The following ACAT1 variants were observed in gnomAD, a reference collection of about 807,000 sequenced individuals.
ACAT1 encodes the protein acetyl-CoA acetyltransferase, mitochondrial.
A neutral mutation model predicts 47.3 loss-of-function variants in ACAT1; 28 were observed. The ratio of observed to expected loss-of-function variants is 0.59; its 90% CI spans 0.44 to 0.81. ACAT1 has a LOEUF of 0.81. Among genes scored for constraint, ACAT1 ranks in the 30% least tolerant of loss-of-function variants. The pLI, the probability that ACAT1 is intolerant of heterozygous loss-of-function variation, is 0.00. For synonymous variants in ACAT1, 181 were observed against 173.6 expected (o/e 1.04, Z -0.34); for missense variants, 469 against 524.3 (o/e 0.89, Z 1.03).
intron 2 of ACAT1, 38 bp from the exon 3 acceptor site, chr11:108,133,781 TA>T: frequency 6.6e-7 from 1 of 1,512,102 alleles, no homozygotes; most frequent in Non-Finnish European, 9.2e-7. Context: ...ACGATTTGGG[TA>T]AAATACCTAT....
At chr11:108,142,401 G>T in intron 8 of ACAT1, 36 bp from the exon 9 acceptor site, 1 of 1,473,308 alleles carries the variant, frequency 6.8e-7, no homozygotes, top group Non-Finnish European at 9.5e-7. Flanking sequence ...TTATTGTGAA[G>T]GAATGTTTTG....
intron 11 of ACAT1, 31 bp downstream of exon 11, chr11:108,146,390 A>ATT (rs771759198): frequency 4.3e-6 from 7 of 1,609,922 alleles, no homozygotes; most frequent in Non-Finnish European, 5.1e-6. Flanking sequence ...TATCTAGGTT[A>ATT]AGAGCTGCCT....
chr11:108,131,354 A>ATTTTTTTTTTTTTTTTTTTTTT (rs397951009), intron 1 of ACAT1, among the ~76,000 whole-genome samples: 1,121 of 62,574 alleles, frequency 0.018, 304 homozygotes, highest in East Asian at 0.057. Flanking sequence ...AAGACTTGGA[A>ATTTTTTTTTTTTTTTTTTTTTT]TTTTTTTTTT....
rs371120604 is a variant in ACAT1 at position 108,130,656 on chromosome 11, G to A, written c.73-1251G>A. The stretch of plus-strand genomic sequence containing the variant: ...ATCCACCCGCCTCGGCCTCCAAAGT[G>A]CTGGGATTACAGGCATGAGCCACTG... On this transcript the variant is annotated intron_variant, in intron 1 of 11. Transcript: ENST00000265838. Among the ~76,000 whole-genome samples, 21 of 152,276 alleles carry A rather than the reference G, an allele frequency of 1.4e-4. No individual in the cohort carries two copies. In the East Asian group the frequency reaches 3.3e-3, roughly 24 times the overall value.
chr11:108,125,519 T>TA (rs1024026909), intron 1 of ACAT1, among the ~76,000 whole-genome samples: 4 of 152,156 alleles, frequency 2.6e-5, no homozygotes, highest in African/African-American at 7.2e-5. Flanking sequence ...ACTTACAGTG[T>TA]AAGAGGTGCT....
intron 10 of ACAT1, 133 bp from the exon 11 acceptor site, chr11:108,146,069 G>T (rs1021596564): frequency 2.4e-6 from 2 of 840,548 alleles, no homozygotes; most frequent in African/African-American, 1.7e-5. Context: ...TGAAAATAGA[G>T]ATCCTTCCAT....
rs754792574 is a variant in ACAT1, at chr11:108,134,351, A to G, written c.334+35A>G. On this transcript the variant is annotated intron_variant, in intron 4 of 11. Coordinates refer to ENST00000265838, the MANE Select transcript of ACAT1 (RefSeq NM_000019.4). ...AGACTTTTTTGCTTTTATACTTAAA[A>G]TGTGTAAAAGGGGCCGGGTGCGGTG... is the stretch of plus-strand genomic sequence containing the variant. 7.7e-6 allele frequency: 12 copies of G among 1,567,472 alleles called. 1 individual carries two copies. The South Asian group carries it at 1.3e-4, about 17-fold the overall frequency.
intron 5 of ACAT1, chr11:108,136,747 C>T (rs1003386864): frequency 2.0e-5 from 3 of 152,060 alleles, no homozygotes; most frequent in Admixed American, 1.3e-4. Flanking sequence ...TGCCATCACC[C>T]CCAGTAAAAA....
At chr11:108,130,072 C>A (rs987359303) in intron 1 of ACAT1, among the ~76,000 whole-genome samples, 1 of 152,124 alleles carries the variant, frequency 6.6e-6, no homozygotes, top group Non-Finnish European at 1.5e-5. Context: ...ATATATGTTG[C>A]ATTCTTTTGC....
At chr11:108,126,475 A>T (rs934354066) in intron 1 of ACAT1, among the ~76,000 whole-genome samples, 6 of 152,258 alleles carry the variant, frequency 3.9e-5, no homozygotes, top group Non-Finnish European at 8.8e-5. Flanking sequence ...GAATTTGTAT[A>T]TAATTCCAAG....
At position 108,131,354 on chromosome 11, in the gene ACAT1, A is replaced by AT. The variant is rs397951009; in HGVS notation, c.73-535dup. On this transcript the variant is annotated intron_variant, in intron 1 of 11. Transcript: ENST00000265838. ...AAGCTATATTTAAGAAAGACTTGGA[A>AT]TTTTTTTTTTTTTTTTTTAGACAGT... Among the ~76,000 whole-genome samples the AT allele has an allele frequency of 1.2e-3, 75 of 62,658 alleles. 10 individuals carry two copies. The South Asian group carries it at 0.012, about 10-fold the overall frequency. 41.1% of individuals were successfully genotyped at this position (62,658 alleles called of 152,430 possible).
upstream of ACAT1, among the ~76,000 whole-genome samples, chr11:108,121,124 C>A (rs140088161): frequency 2.0e-5 from 3 of 151,686 alleles, no homozygotes; most frequent in African/African-American, 7.3e-5. Context: ...TCGCTTGAGC[C>A]CTGATGGTCG....
Position 108,147,490 on chromosome 11 carries a change from C to A in ACAT1, c.*100C>A, listed in dbSNP as rs1204874671. The A allele has an allele frequency of 7.0e-7, 1 of 1,420,056 alleles. No individual in the cohort carries two copies. The highest frequency in any genetic ancestry group is 9.7e-7 in the Non-Finnish European group (1 of 1,029,316). The allele number at this position is 1,420,056 out of a possible 1,614,324, so 88.0% of individuals were successfully genotyped here. ...CAGCTTATATTCAGATAAGCTGTTTCATTTTTTATTATTTTCTATGTTAAC... is the reference window on the plus strand; with the variant it reads ...CAGCTTATATTCAGATAAGCTGTTTAATTTTTTATTATTTTCTATGTTAAC... On this transcript the variant is annotated 3_prime_UTR_variant, in exon 12 of 12. Transcript: ENST00000265838.
upstream of ACAT1, among the ~76,000 whole-genome samples, chr11:108,118,791 C>T (rs994688650): frequency 6.6e-6 from 1 of 152,192 alleles, no homozygotes; most frequent in African/African-American, 2.4e-5. Flanking sequence ...GCTGTAGCTC[C>T]AGAAATAAAT....
intron 1 of ACAT1, among the ~76,000 whole-genome samples, chr11:108,127,641 G>A (rs1398766304): frequency 6.6e-6 from 1 of 152,182 alleles, no homozygotes; most frequent in East Asian, 1.9e-4. Context: ...AAGAGGCCTG[G>A]AACAAAGCCC....
chr11:108,143,634 C>T (rs1264135576), intron 9 of ACAT1: 2 of 163,380 alleles, frequency 1.2e-5, no homozygotes, highest in African/African-American at 4.8e-5. Context: ...GACTTTTGCA[C>T]TAAGTAATTC....
chr11:108,140,463 A>G (rs755166861), intron 7 of ACAT1, among the ~76,000 whole-genome samples: 109 of 152,334 alleles, frequency 7.2e-4, no homozygotes, highest in Non-Finnish European at 1.4e-3. Context: ...TGTGACAGTC[A>G]ATACGGTATT....
At chr11:108,133,219 C>T (rs78431473) in intron 2 of ACAT1, among the ~76,000 whole-genome samples, 2 of 152,134 alleles carry the variant, frequency 1.3e-5, no homozygotes, top group East Asian at 3.9e-4. Flanking sequence ...CTGGCCCTGG[C>T]TCTGTCCTAG....
At chr11:108,145,718 C>A in intron 10 of ACAT1, among the ~76,000 whole-genome samples, 1 of 151,378 alleles carries the variant, frequency 6.6e-6, no homozygotes, top group East Asian at 2.0e-4. Flanking sequence ...AAACAAAATT[C>A]TTTGATATAA....
Sources: allele counts gnomAD v4.1 joint callset (sites outside exome capture counted in the v4.1 genomes callset), GRCh38; gene constraint gnomAD v4.1.1; transcripts MANE v1.5; gene names NCBI Gene and HGNC (gene_info 2026-07-23, HGNC 2026-07-21).